Variants in FSTL4 observed in about 807,000 individuals in gnomAD.
FSTL4 encodes follistatin like 4.
In FSTL4, 28 loss-of-function variants were observed where a neutral mutation model predicts 78.2. The observed-to-expected ratio is 0.36, with a 90% confidence interval of 0.27 to 0.49. FSTL4 has a LOEUF of 0.49. Ranked by LOEUF, FSTL4 falls within the 20% of genes least tolerant of loss-of-function variation. The pLI, the probability that FSTL4 is intolerant of heterozygous loss-of-function variation, is 0.98. For missense variants in FSTL4, 922 were observed against 1,084.9 expected, an observed-to-expected ratio of 0.85 and a Z score of 2.11; for synonymous variants, 422 against 440.5, an observed-to-expected ratio of 0.96 and a Z score of 0.53.
At chr5:133,224,075 C>G in intron 11 of FSTL4, 115 bp downstream of exon 11, 2 of 695,396 alleles carry the variant, frequency 2.9e-6, no homozygotes, top group Non-Finnish European at 5.0e-6. Context: ...TGACTTCCTG[C>G]TCCCATAGGG....
At chr5:133,286,699 G>A (rs1053739034) in intron 6 of FSTL4, among the ~76,000 whole-genome samples, 12 of 152,190 alleles carry the variant, frequency 7.9e-5, no homozygotes, top group Non-Finnish European at 1.5e-5. Context: ...GGGCTTCCTG[G>A]AGGAGGTGGC....
intron 8 of FSTL4, among the ~76,000 whole-genome samples, chr5:133,229,456 G>C (rs1183856082): frequency 6.6e-6 from 1 of 152,098 alleles, no homozygotes; most frequent in Admixed American, 6.5e-5. Context: ...CTGGAAAGTT[G>C]AGGCTGCAGT....
rs915469448 is a variant in FSTL4, at chr5:133,333,740, C to T, written c.410-17088G>A. Among the ~76,000 whole-genome samples, 8 of 152,238 alleles carry T rather than the reference C, an allele frequency of 5.3e-5. No individual in the cohort carries two copies. In the South Asian group the frequency reaches 1.7e-3, roughly 32 times the overall value. ...AGAGTCACACCCAGCGAGGGCATCT[C>T]CACGTCAGGCAGAGGCTGACCTGCA... On this transcript the variant is annotated intron_variant, in intron 4 of 15. Transcript: ENST00000265342.
chr5:133,476,737 A>G (rs944940275), intron 3 of FSTL4, among the ~76,000 whole-genome samples: 5 of 152,098 alleles, frequency 3.3e-5, no homozygotes, highest in African/African-American at 1.2e-4. Flanking sequence ...AGCCCTATTT[A>G]CCCAACTACA....
chr5:133,578,008 A>G (rs1162672252), intron 2 of FSTL4, among the ~76,000 whole-genome samples: 1 of 152,238 alleles, frequency 6.6e-6, no homozygotes, highest in Admixed American at 6.5e-5. Context: ...CTATCTTACA[A>G]TAAATGACAA....
chr5:133,302,918 G>A (rs1167241330), intron 6 of FSTL4, among the ~76,000 whole-genome samples: 1 of 152,184 alleles, frequency 6.6e-6, no homozygotes, highest in East Asian at 1.9e-4. Flanking sequence ...TGTTTGTCAA[G>A]CACCTACTCT....
chr5:133,801,120 G>A, the FSTL4 span, among the ~76,000 whole-genome samples: 7 of 151,998 alleles, frequency 4.6e-5, no homozygotes, highest in East Asian at 3.9e-4. Flanking sequence ...TCCTCTCACC[G>A]ACCTCCAGAT....
At chr5:133,337,452 C>A (rs190431331) in intron 4 of FSTL4, among the ~76,000 whole-genome samples, 1 of 152,238 alleles carries the variant, frequency 6.6e-6, no homozygotes, top group South Asian at 2.1e-4. Flanking sequence ...AATTGGAGCC[C>A]GAGGCTTCTT....
intron 4 of FSTL4, among the ~76,000 whole-genome samples, chr5:133,373,847 A>C (rs1755372714): frequency 6.6e-6 from 1 of 152,232 alleles, no homozygotes; most frequent in Non-Finnish European, 1.5e-5. Flanking sequence ...TACCTTCAGC[A>C]GCATGATGCC....
intron 3 of FSTL4, among the ~76,000 whole-genome samples, chr5:133,530,040 CT>C (rs1481500204): frequency 2.0e-5 from 3 of 152,046 alleles, no homozygotes; most frequent in Non-Finnish European, 4.4e-5. Flanking sequence ...TTTTGTTAGA[CT>C]TTTTTTCTTT....
chr5:133,414,798 C>G (rs1355272744), intron 3 of FSTL4, among the ~76,000 whole-genome samples: 3 of 152,190 alleles, frequency 2.0e-5, no homozygotes, highest in Admixed American at 1.3e-4. Flanking sequence ...AGAACAATTC[C>G]TATTGCAGAA....
rs1755059063 is a variant in FSTL4 at position 133,361,099 on chromosome 5, C to G, written c.409+39639G>C. ...AGAAATGAGTTAAATGACCCAGAGT[C>G]AGGAGAACATCAGATTAACTTTTTC... On this transcript the variant is annotated intron_variant, in intron 4 of 15. Coordinates refer to ENST00000265342, the MANE Select transcript of FSTL4 (RefSeq NM_015082.2). The surrounding 1 kb of genome is among the most constrained non-coding windows in gnomAD (Gnocchi z 4.3). Among the ~76,000 whole-genome samples the G allele has an allele frequency of 6.6e-6, 1 of 152,142 alleles. No homozygotes were observed. The highest frequency in any genetic ancestry group is 2.4e-5 in the African/African-American group (1 of 41,432).
intron 2 of FSTL4, among the ~76,000 whole-genome samples, chr5:133,601,064 G>C (rs1760856195): frequency 6.6e-6 from 1 of 152,212 alleles, no homozygotes; most frequent in Non-Finnish European, 1.5e-5. Flanking sequence ...TTGGATATTA[G>C]GATGCAAGCC....
At chr5:133,246,637 G>A (rs775992234) in intron 7 of FSTL4, 13 of 152,208 alleles carry the variant, frequency 8.5e-5, no homozygotes, top group Non-Finnish European at 1.3e-4. Context: ...TGGACAGTGA[G>A]ACCTCCGTCC....
At chr5:133,655,712 A>T in the FSTL4 span, among the ~76,000 whole-genome samples, 2 of 152,214 alleles carry the variant, frequency 1.3e-5, no homozygotes, top group Admixed American at 1.3e-4. Flanking sequence ...CAGTGGGAAA[A>T]AAAAGACAAG....
At chr5:133,781,332 G>A in the FSTL4 span, among the ~76,000 whole-genome samples, 1 of 150,498 alleles carries the variant, frequency 6.6e-6, no homozygotes, top group African/African-American at 2.5e-5. Context: ...TCAAAAAGAA[G>A]CATTCCAAAC....
At chr5:133,223,029 C>T (rs1357108653) in intron 11 of FSTL4, among the ~76,000 whole-genome samples, 3 of 152,224 alleles carry the variant, frequency 2.0e-5, no homozygotes, top group African/African-American at 7.2e-5. Flanking sequence ...GTCTTTGTAG[C>T]TGATTTCACA....
chr5:133,245,435 A>G (rs1425250165), intron 7 of FSTL4, among the ~76,000 whole-genome samples: 4 of 152,240 alleles, frequency 2.6e-5, no homozygotes, highest in Non-Finnish European at 5.9e-5. Flanking sequence ...CCCACTGCCC[A>G]CAGGGCAATT....
chr5:133,236,815 C>G lies in FSTL4; in HGVS notation c.895-3278G>C, dbSNP rs1444169305. ...TTGTCTGGCAGCCCCATTTCTGGAGCCTAACCTCTTCCCCACACCCTGCTT... is the reference window on the plus strand; with the variant it reads ...TTGTCTGGCAGCCCCATTTCTGGAGGCTAACCTCTTCCCCACACCCTGCTT... On this transcript the variant is annotated intron_variant, in intron 7 of 15. Transcript: ENST00000265342. This position sits in a 1 kb window ranked among gnomAD's most constrained non-coding sequence, Gnocchi z 5.0. Among the ~76,000 whole-genome samples, 2 of 152,226 alleles carry G rather than the reference C, an allele frequency of 1.3e-5. No individual in the cohort carries two copies. Among genetic ancestry groups the G allele is most frequent in the African/African-American group, 2.4e-5 (1 of 41,460 alleles).
Sources: allele counts gnomAD v4.1 joint callset (sites outside exome capture counted in the v4.1 genomes callset), GRCh38; gene constraint gnomAD v4.1.1; non-coding constraint Gnocchi (gnomAD v3.1); transcripts MANE v1.5; gene names NCBI Gene and HGNC (gene_info 2026-07-23, HGNC 2026-07-21).